The following ATP2B2 variants were observed in gnomAD, a reference collection of about 807,000 sequenced individuals.
ATP2B2 encodes the protein plasma membrane calcium-transporting ATPase 2.
ATP2B2 carries 15 observed loss-of-function variants against 120.0 expected under a neutral mutation model. The ratio of observed to expected loss-of-function variants is 0.12; its 90% CI spans 0.08 to 0.19. The LOEUF (loss-of-function observed/expected upper bound fraction) is 0.19. Among genes scored for constraint, ATP2B2 ranks in the 10% least tolerant of loss-of-function variants. ATP2B2 has a pLI of 1.00. For missense variants in ATP2B2, 1,045 were observed against 1,719.8 expected, an observed-to-expected ratio of 0.61 and a Z score of 6.94; for synonymous variants, 694 against 700.3, an observed-to-expected ratio of 0.99 and a Z score of 0.14.
At chr3:10,681,487 G>A (rs2071382597) in intron 1 of ATP2B2, among the ~76,000 whole-genome samples, 1 of 152,182 alleles carries the variant, frequency 6.6e-6, no homozygotes, top group African/African-American at 2.4e-5. Flanking sequence ...CAGTCAAAGG[G>A]GTGAAGTGCC....
chr3:10,619,944 C>G (rs2069500424), exon 2 of ATP2B2: 1 of 152,222 alleles, frequency 6.6e-6, no homozygotes, highest in Admixed American at 6.5e-5. Context: ...ACAGTCCACG[C>G]TCTAAGTACA....
chr3:10,427,810 CT>C (rs2063190129), intron 2 of ATP2B2, among the ~76,000 whole-genome samples: 1 of 152,206 alleles, frequency 6.6e-6, no homozygotes, highest in Non-Finnish European at 1.5e-5. Context: ...TCAATCCATC[CT>C]CTCCTAACCA....
At chr3:10,575,225 T>C (rs551698173) in intron 2 of ATP2B2, among the ~76,000 whole-genome samples, 1 of 152,236 alleles carries the variant, frequency 6.6e-6, no homozygotes, top group South Asian at 2.1e-4. Context: ...TGGATCACAA[T>C]TCAGAATTGC....
intron 2 of ATP2B2, among the ~76,000 whole-genome samples, chr3:10,572,716 C>A (rs570818783): frequency 6.6e-6 from 1 of 152,080 alleles, no homozygotes; most frequent in African/African-American, 2.4e-5. Flanking sequence ...AAGGGGCAAA[C>A]GCTCATTCAT....
chr3:10,390,670 C>T lies in ATP2B2; in HGVS notation c.782-2268G>A, dbSNP rs146881934. ...AGATGCAGAAACCAAGTCATGAAGG[C>T]TCACAGAGGGGGTGTGCGGAACCCA... On this transcript the variant is annotated intron_variant, in intron 5 of 22. Coordinates refer to ENST00000360273, the MANE Select transcript of ATP2B2 (RefSeq NM_001001331.4). 1.8e-4 allele frequency among the ~76,000 whole-genome samples: 28 copies of T among 152,334 alleles called. 1 individual carries two copies. The East Asian group carries it at 5.4e-3, about 29-fold the overall frequency.
chr3:10,516,523 C>A (rs904026236), intron 3 of ATP2B2, among the ~76,000 whole-genome samples: 5 of 152,196 alleles, frequency 3.3e-5, no homozygotes, highest in African/African-American at 1.2e-4. Flanking sequence ...ACCATCCTGT[C>A]GTTCCAGTTC....
At chr3:10,385,459 C>A in intron 7 of ATP2B2, 132 bp from the exon 8 acceptor site, 2 of 750,958 alleles carry the variant, frequency 2.7e-6, no homozygotes, top group South Asian at 1.6e-5. Context: ...CTTTGGAAAC[C>A]AAGAAACTCA....
chr3:10,440,258 C>T (rs1196544489), intron 2 of ATP2B2, among the ~76,000 whole-genome samples: 2 of 152,084 alleles, frequency 1.3e-5, no homozygotes, highest in Non-Finnish European at 2.9e-5. Flanking sequence ...GTGTGAGAAC[C>T]ATTTCCCCAA....
intron 2 of ATP2B2, among the ~76,000 whole-genome samples, chr3:10,564,599 A>C (rs1319463616): frequency 6.6e-6 from 1 of 152,160 alleles, no homozygotes; most frequent in East Asian, 1.9e-4. Flanking sequence ...GAACTGTCCC[A>C]GGATGTCCCT....
chr3:10,610,359 G>C (rs1291597012), intron 2 of ATP2B2, among the ~76,000 whole-genome samples: 5 of 151,846 alleles, frequency 3.3e-5, no homozygotes. Context: ...ATCCATCCCA[G>C]TTCCCCACCC....
At chr3:10,621,016 C>T (rs552464731) in intron 1 of ATP2B2, among the ~76,000 whole-genome samples, 2 of 152,308 alleles carry the variant, frequency 1.3e-5, no homozygotes, top group South Asian at 2.1e-4. Context: ...TCCATTCTAC[C>T]TCACTGACCA....
chr3:10,541,283 C>G (rs2067434071), intron 2 of ATP2B2, among the ~76,000 whole-genome samples: 1 of 152,016 alleles, frequency 6.6e-6, no homozygotes, highest in Admixed American at 6.6e-5. Context: ...CTACTCTTAA[C>G]TTTATTATTT....
chr3:10,338,499 G>GTT (rs1413614065), intron 21 of ATP2B2, 141 bp from the exon 22 acceptor site: 6 of 626,460 alleles, frequency 9.6e-6, no homozygotes, highest in Middle Eastern at 8.6e-4. Context: ...CACCTCACCT[G>GTT]TTCCTCAGCC....
chr3:10,495,012 C>T (rs917855684), intron 1 of ATP2B2, among the ~76,000 whole-genome samples: 1 of 152,188 alleles, frequency 6.6e-6, no homozygotes, highest in African/African-American at 2.4e-5. Flanking sequence ...ACCTCTTCCC[C>T]AAATGTGGAG....
intron 2 of ATP2B2, among the ~76,000 whole-genome samples, chr3:10,416,696 A>C (rs1422696220): frequency 6.6e-6 from 1 of 151,490 alleles, no homozygotes; most frequent in African/African-American, 2.4e-5. Flanking sequence ...AGAGCTGGCG[A>C]CCTGGAGGAA....
intron 2 of ATP2B2, among the ~76,000 whole-genome samples, chr3:10,445,689 A>C (rs1190560412): frequency 6.6e-6 from 1 of 152,224 alleles, no homozygotes; most frequent in Non-Finnish European, 1.5e-5. Flanking sequence ...TTTTTGCCTA[A>C]AATTAGCTGA....
At chr3:10,352,119 C>G (rs1574985142) in intron 14 of ATP2B2, among the ~76,000 whole-genome samples, 2 of 152,240 alleles carry the variant, frequency 1.3e-5, no homozygotes, top group African/African-American at 4.8e-5. Context: ...AAGGAATCGG[C>G]CTTGACTATC....
intron 2 of ATP2B2, among the ~76,000 whole-genome samples, chr3:10,442,226 C>T (rs945171564): frequency 2.0e-5 from 3 of 152,104 alleles, no homozygotes; most frequent in Admixed American, 2.0e-4. Flanking sequence ...CGTGGAAATG[C>T]TGCCCTTACA....
intron 1 of ATP2B2, among the ~76,000 whole-genome samples, chr3:10,683,691 CATATGTATATGTAT>C (rs1231943853): frequency 7.1e-6 from 1 of 141,698 alleles, no homozygotes; most frequent in African/African-American, 2.6e-5. Flanking sequence ...TATATATACA[CATATGTATATGTAT>C]ATATGTATAT....
Sources: allele counts gnomAD v4.1 joint callset (sites outside exome capture counted in the v4.1 genomes callset), GRCh38; gene constraint gnomAD v4.1.1; transcripts MANE v1.5; gene names NCBI Gene and HGNC (gene_info 2026-07-23, HGNC 2026-07-21).